Variants in RNF8 observed in about 807,000 individuals in gnomAD.
The protein encoded by RNF8 is ring finger protein 8.
Under a neutral mutation model 59.3 loss-of-function variants are expected in RNF8, and 8 were observed. The observed-to-expected ratio is 0.13, with a 90% CI of 0.08 to 0.24. RNF8 has a LOEUF of 0.24. Among genes scored for constraint, RNF8 ranks in the 10% least tolerant of loss-of-function variants. The pLI, the probability that RNF8 is intolerant of heterozygous loss-of-function variation, is 1.00. For missense variants in RNF8, 406 were observed against 572.6 expected (o/e 0.71, Z 2.97); for synonymous variants, 162 against 200.0 (o/e 0.81, Z 1.60).
intron 7 of RNF8, among the ~76,000 whole-genome samples, chr6:37,387,305 A>G (rs1349503444): frequency 6.6e-6 from 1 of 152,120 alleles, no homozygotes; most frequent in Non-Finnish European, 1.5e-5. Context: ...GTCTCATTAA[A>G]CTTGAGCCAG....
At chr6:37,366,438 T>C (rs1769556709) in intron 2 of RNF8, among the ~76,000 whole-genome samples, 1 of 152,252 alleles carries the variant, frequency 6.6e-6, no homozygotes, top group Admixed American at 6.5e-5. Context: ...GCAAACCTTA[T>C]CACTCCCCAT....
intron 1 of RNF8, among the ~76,000 whole-genome samples, chr6:37,359,687 C>CGGAA (rs1275489336): frequency 1.3e-5 from 2 of 152,104 alleles, no homozygotes; most frequent in African/African-American, 2.4e-5. Flanking sequence ...TTAATCATTC[C>CGGAA]TAAGTTCGAG....
chr6:37,381,673 G>A (rs1164254953), intron 7 of RNF8, among the ~76,000 whole-genome samples: 1 of 152,164 alleles, frequency 6.6e-6, no homozygotes, highest in Non-Finnish European at 1.5e-5. Context: ...TCACTAGATG[G>A]TGCTGTTGTC....
chr6:37,354,079 A>C lies in RNF8; in HGVS notation c.-86A>C, dbSNP rs969268746. Reference sequence around the variant, plus strand: ...GATTGCTTCTGTCTGTTATTTAGATATGGAAGCTGAGGGGATGCACAGAGG... The same window carrying C: ...GATTGCTTCTGTCTGTTATTTAGATCTGGAAGCTGAGGGGATGCACAGAGG... On this transcript the variant is annotated 5_prime_UTR_variant, in exon 1 of 8. The change abolishes an upstream ATG in the 5' untranslated region. Coordinates refer to ENST00000373479, the MANE Select transcript of RNF8 (RefSeq NM_003958.4). 1.8e-5 allele frequency: 19 copies of C among 1,080,694 alleles called. No homozygotes were observed. The South Asian group carries it at 2.1e-4, about 12-fold the overall frequency. The allele number at this position is 1,080,694 out of a possible 1,614,324, so 66.9% of individuals were successfully genotyped here. A position where few individuals can be genotyped will look rare whatever the true frequency, so the allele number is the denominator to read the frequency against.
chr6:37,362,180 G>A (rs558262923), intron 2 of RNF8, among the ~76,000 whole-genome samples: 1 of 152,334 alleles, frequency 6.6e-6, no homozygotes, highest in South Asian at 2.1e-4. Flanking sequence ...CAATATTATA[G>A]AGGTGAGTTC....
At chr6:37,365,470 G>T (rs146211524) in intron 2 of RNF8, among the ~76,000 whole-genome samples, 61 of 152,344 alleles carry the variant, frequency 4.0e-4, no homozygotes, top group Non-Finnish European at 7.3e-4. Context: ...GTGAAACCTA[G>T]GCACTGCTCT....
rs988853454 is a variant in RNF8, at chr6:37,367,870, A to G, written c.241-614A>G. On this transcript the variant is annotated intron_variant, in intron 2 of 7. Transcript: ENST00000373479. ...GAGGTTAAGTAAATTGCCAAATGCT[A>G]TGCAGACTATGAACCCACATCTGAG... is the stretch of plus-strand genomic sequence containing the variant. Among the ~76,000 whole-genome samples the G allele has an allele frequency of 4.6e-5, 7 of 152,192 alleles. No homozygotes were observed. In the East Asian group the frequency reaches 7.7e-4, roughly 17 times the overall value.
chr6:37,376,940 G>A lies in RNF8; in HGVS notation c.1143G>A (p.Lys381=). 1.9e-6 allele frequency: 3 copies of A among 1,611,678 alleles called. No homozygotes were observed. In the South Asian group the frequency reaches 3.3e-5, roughly 18 times the overall value. ...ELEQTKEEKE[K]MQAQKEEVLS... is the part of the protein sequence containing the mutation. ...GTGTCTTGCAGGAAGAGAAGGAGAA[G>A]ATGCAAGCACAGAAGGAAGAAGTTC... The change falls in exon 6 of 8, where the codon AAG becomes AAA. Residue 381 remains lysine, a synonymous_variant. Coordinates refer to ENST00000373479, the MANE Select transcript of RNF8 (RefSeq NM_003958.4).
chr6:37,369,130 A>G lies in RNF8; in HGVS notation c.887A>G (p.Gln296Arg), dbSNP rs938824125. 16 of 1,614,122 alleles carry G rather than the reference A, an allele frequency of 9.9e-6. No individual in the cohort carries two copies. Among genetic ancestry groups the G allele is most frequent in the Admixed American group, 8.3e-5 (5 of 60,004 alleles). The change falls in exon 3 of 8, where the codon CAG becomes CGG. Residue 296 changes from glutamine (Q) to arginine (R), a missense_variant. Transcript: ENST00000373479. ...VQMEQELQDL[Q>R]SQLCAEQAQQ... ...ATGGAGCAGGAACTTCAGGACTTAC[A>G]GTCCCAGCTGTGTGCAGAGCAGGCT...
At chr6:37,366,710 T>G (rs1769568965) in intron 2 of RNF8, among the ~76,000 whole-genome samples, 1 of 152,280 alleles carries the variant, frequency 6.6e-6, no homozygotes, top group African/African-American at 2.4e-5. Context: ...GACTGGAGAT[T>G]TTTTTCTAGC....
intron 1 of RNF8, among the ~76,000 whole-genome samples, chr6:37,359,613 A>G (rs1465326674): frequency 6.6e-6 from 1 of 152,212 alleles, no homozygotes; most frequent in Non-Finnish European, 1.5e-5. Context: ...CATCCAGTCA[A>G]GTATAGAGCA....
intron 4 of RNF8, among the ~76,000 whole-genome samples, chr6:37,374,026 T>C (rs1043485146): frequency 2.0e-5 from 3 of 152,248 alleles, no homozygotes; most frequent in Non-Finnish European, 4.4e-5. Flanking sequence ...TGTTAGCTCC[T>C]GGGTGTGCCT....
At position 37,376,982 on chromosome 6, in the gene RNF8, T is replaced by C. The variant is rs373309480; in HGVS notation, c.1185T>C (p.Asp395=). ...QKEEVLSHMN[D]VLENELQCII... is the part of the protein sequence containing the mutation. ...AAGAAGTTCTTAGCCACATGAATGA[T>C]GTGCTAGAGAATGAGCTCCAATGTA... The change falls in exon 6 of 8, where the codon GAT becomes GAC. Residue 395 remains aspartate, a synonymous_variant. Transcript: ENST00000373479. The C allele has an allele frequency of 1.2e-5, 19 of 1,613,162 alleles. No individual in the cohort carries two copies. Among genetic ancestry groups the C allele is most frequent in the Non-Finnish European group, 1.5e-5 (18 of 1,179,574 alleles).
At chr6:37,368,017 G>A (rs771266390) in intron 2 of RNF8, among the ~76,000 whole-genome samples, 11 of 151,840 alleles carry the variant, frequency 7.2e-5, no homozygotes, top group Non-Finnish European at 1.2e-4. Flanking sequence ...CTTTTTTTTG[G>A]TTTATGTGTG....
chr6:37,371,604 TG>T (rs1769808684), intron 4 of RNF8, 30 bp downstream of exon 4: 2 of 1,593,510 alleles, frequency 1.3e-6, no homozygotes, highest in Non-Finnish European at 1.7e-6. Context: ...AAGATTATAG[TG>T]GGCTGTGGAG....
At chr6:37,385,094 A>G (rs887757963) in intron 7 of RNF8, among the ~76,000 whole-genome samples, 1 of 150,568 alleles carries the variant, frequency 6.6e-6, no homozygotes, top group African/African-American at 2.4e-5. Context: ...GCTTACCACA[A>G]CCTCCGCCTC....
At chr6:37,386,874 C>T (rs1770527705) in intron 7 of RNF8, among the ~76,000 whole-genome samples, 1 of 152,130 alleles carries the variant, frequency 6.6e-6, no homozygotes, top group African/African-American at 2.4e-5. Context: ...TTCTCCTGCC[C>T]TTTTTTGATT....
chr6:37,371,584 C>A lies in RNF8; in HGVS notation c.1038+10C>A, dbSNP rs747599345. On this transcript the variant is annotated intron_variant, in intron 4 of 7. Transcript: ENST00000373479. ...CCAGGCTCTGCAGGAGGTAACTTTG[C>A]CATAGTACTAAGATTATAGTGGGCT... 2 of 1,611,508 alleles carry A rather than the reference C, an allele frequency of 1.2e-6. No homozygotes were observed. The highest frequency in any genetic ancestry group is 1.7e-6 in the Non-Finnish European group (2 of 1,177,844).
chr6:37,386,639 A>G lies in RNF8; in HGVS notation c.1442-4103A>G, dbSNP rs116804426. On this transcript the variant is annotated intron_variant, in intron 7 of 7. Coordinates refer to ENST00000373479, the MANE Select transcript of RNF8 (RefSeq NM_003958.4). ...CAATGCAGGAGAGTCAGTGACTCCA[A>G]TGAGCCCTGCACCATGTTGCACTGA... 3.5e-3 allele frequency among the ~76,000 whole-genome samples: 540 copies of G among 152,274 alleles called. 3 individuals carry two copies. Among genetic ancestry groups the G allele is most frequent in the African/African-American group, 0.011 (464 of 41,556 alleles).
Sources: gnomAD v4.1 joint callset for allele counts (sites outside exome capture counted in the v4.1 genomes callset) on GRCh38, gnomAD v4.1.1 for gene constraint, MANE v1.5 for transcripts, NCBI Gene and HGNC (gene_info 2026-07-23, HGNC 2026-07-21) for gene names.